PTPRT: variants seen among roughly 807,000 people sequenced by gnomAD.
PTPRT encodes the protein protein tyrosine phosphatase receptor type T, also known as receptor-type tyrosine-protein phosphatase T.
A neutral mutation model predicts 176.8 loss-of-function variants in PTPRT; 56 were observed. That is an observed-to-expected ratio of 0.32 (90% CI 0.26 to 0.40). The LOEUF (loss-of-function observed/expected upper bound fraction) is 0.40, where lower values mean the gene tolerates loss of function less well. Ranked by LOEUF, PTPRT falls within the 10% of genes least tolerant of loss-of-function variation. The pLI, the probability that PTPRT is intolerant of heterozygous loss-of-function variation, is 1.00. For synonymous variants in PTPRT, 783 were observed against 739.0 expected, an observed-to-expected ratio of 1.06 and a Z score of -0.96; for missense variants, 1,540 against 1,908.2, an observed-to-expected ratio of 0.81 and a Z score of 3.60.
intron 1 of PTPRT, among the ~76,000 whole-genome samples, chr20:42,968,367 A>T (rs1193126677): frequency 6.6e-6 from 1 of 152,194 alleles, no homozygotes; most frequent in African/African-American, 2.4e-5. Context: ...TGTATCCCAG[A>T]TCTTAGCCAG....
chr20:42,833,187 T>C (rs2078122010), intron 2 of PTPRT, among the ~76,000 whole-genome samples: 1 of 151,350 alleles, frequency 6.6e-6, no homozygotes, highest in African/African-American at 2.4e-5. Flanking sequence ...AAGTTGTAAA[T>C]TGAAATAGTA....
At chr20:42,615,270 C>A (rs1209007256) in intron 7 of PTPRT, among the ~76,000 whole-genome samples, 1 of 136,994 alleles carries the variant, frequency 7.3e-6, no homozygotes, top group Non-Finnish European at 1.5e-5. Flanking sequence ...ACGAACTCAT[C>A]ATTTTTTATG....
At chr20:43,088,580 C>T (rs1331374985) in intron 1 of PTPRT, among the ~76,000 whole-genome samples, 2 of 152,028 alleles carry the variant, frequency 1.3e-5, no homozygotes, top group Admixed American at 6.6e-5. Context: ...ATCAAATTCC[C>T]ACTTTTGGCC....
At chr20:43,105,512 T>C (rs2012567309) in intron 1 of PTPRT, among the ~76,000 whole-genome samples, 1 of 152,174 alleles carries the variant, frequency 6.6e-6, no homozygotes, top group Non-Finnish European at 1.5e-5. Context: ...GTGTTTCTCA[T>C]GCCTCAGCCT....
chr20:42,927,797 G>C, intron 1 of PTPRT, among the ~76,000 whole-genome samples: 1 of 152,208 alleles, frequency 6.6e-6, no homozygotes, highest in East Asian at 1.9e-4. Context: ...GAACTGAGCT[G>C]TCAGGGGCAT....
Position 42,442,242 on chromosome 20 carries a change from C to T in PTPRT, c.1560+5978G>A, listed in dbSNP as rs150226298. On this transcript the variant is annotated intron_variant, in intron 9 of 30. Coordinates refer to ENST00000373187, the MANE Select transcript of PTPRT (RefSeq NM_007050.6). ...TTCGTTCTGTTCAGAACTCCTGTCT[C>T]GGAAGACGCTCCAGCCTCCTTGTAA... Among the ~76,000 whole-genome samples the T allele has an allele frequency of 2.4e-3, 362 of 152,326 alleles. 2 individuals are homozygous for T. Among genetic ancestry groups the T allele is most frequent in the African/African-American group, 7.8e-3 (323 of 41,574 alleles).
chr20:42,333,134 G>A (rs1380389644), intron 11 of PTPRT, among the ~76,000 whole-genome samples: 1 of 151,858 alleles, frequency 6.6e-6, no homozygotes, highest in Non-Finnish European at 1.5e-5. Flanking sequence ...TCCCAATTAT[G>A]TATCTATGTG....
chr20:42,837,706 C>T (rs191053351), intron 2 of PTPRT, among the ~76,000 whole-genome samples: 42 of 152,222 alleles, frequency 2.8e-4, no homozygotes, highest in Admixed American at 1.0e-3. Flanking sequence ...TGCTTAGCAA[C>T]GAAGAGTCCA....
chr20:42,405,229 C>G (rs2058949688), intron 9 of PTPRT, among the ~76,000 whole-genome samples: 1 of 149,652 alleles, frequency 6.7e-6, no homozygotes, highest in African/African-American at 2.5e-5. Context: ...TTCTAGGGTA[C>G]ATGTGCATAA....
chr20:42,658,733 AAATGT>A (rs1278837475), intron 7 of PTPRT, among the ~76,000 whole-genome samples: 6 of 152,250 alleles, frequency 3.9e-5, no homozygotes, highest in Non-Finnish European at 8.8e-5. Flanking sequence ...TATCTATATT[AAATGT>A]AATGTATGTC....
At chr20:42,328,481 G>T (rs1204248621) in intron 11 of PTPRT, among the ~76,000 whole-genome samples, 1 of 151,792 alleles carries the variant, frequency 6.6e-6, no homozygotes, top group Non-Finnish European at 1.5e-5. Context: ...TTTACTGCAG[G>T]TACACAAGAC....
intron 7 of PTPRT, among the ~76,000 whole-genome samples, chr20:42,657,869 T>C (rs1195901618): frequency 1.3e-5 from 2 of 152,186 alleles, no homozygotes; most frequent in East Asian, 3.9e-4. Flanking sequence ...CACCAGTTTC[T>C]TCATTAATGA....
intron 11 of PTPRT, among the ~76,000 whole-genome samples, chr20:42,329,722 T>A (rs1366684442): frequency 6.6e-6 from 1 of 152,292 alleles, no homozygotes; most frequent in Middle Eastern, 3.4e-3. Flanking sequence ...CTATTTTTTT[T>A]AATTTGGTGA....
chr20:42,820,819 T>C (rs1236013978), intron 2 of PTPRT, among the ~76,000 whole-genome samples: 1 of 152,050 alleles, frequency 6.6e-6, no homozygotes, highest in Non-Finnish European at 1.5e-5. Context: ...CTAGAAGAAA[T>C]TGATAAATTC....
intron 7 of PTPRT, among the ~76,000 whole-genome samples, chr20:42,540,621 T>G (rs1172715244): frequency 6.6e-6 from 1 of 152,014 alleles, no homozygotes; most frequent in Non-Finnish European, 1.5e-5. Flanking sequence ...ATATCTTGAG[T>G]AGAGCTTTAG....
chr20:43,090,424 C>T (rs553063853), intron 1 of PTPRT, among the ~76,000 whole-genome samples: 21 of 152,072 alleles, frequency 1.4e-4, no homozygotes, highest in Non-Finnish European at 2.6e-4. Flanking sequence ...CCCGCCACCA[C>T]GCCTGGCTAA....
intron 12 of PTPRT, among the ~76,000 whole-genome samples, chr20:42,287,562 T>C (rs2057250808): frequency 6.6e-6 from 1 of 151,754 alleles, no homozygotes; most frequent in African/African-American, 2.4e-5. Flanking sequence ...AGGAAGCAGA[T>C]ACTAGAGGTT....
intron 1 of PTPRT, among the ~76,000 whole-genome samples, chr20:42,988,921 T>A (rs915278092): frequency 3.9e-5 from 6 of 152,228 alleles, no homozygotes; most frequent in African/African-American, 1.4e-4. Flanking sequence ...ACCTGCTACA[T>A]CTAAGACACT....
chr20:42,697,999 T>TA (rs909013127), intron 6 of PTPRT, among the ~76,000 whole-genome samples: 28 of 152,158 alleles, frequency 1.8e-4, no homozygotes, highest in Middle Eastern at 3.2e-3. Flanking sequence ...TAACTTTTTT[T>TA]AAAAAAAGAA....
Sources: gnomAD v4.1 joint callset for allele counts (sites outside exome capture counted in the v4.1 genomes callset) on GRCh38, gnomAD v4.1.1 for gene constraint, MANE v1.5 for transcripts, NCBI Gene and HGNC (gene_info 2026-07-23, HGNC 2026-07-21) for gene names.